Variants in EPHA3 observed in about 807,000 individuals in gnomAD.
EPHA3 encodes EPH receptor A3.
In EPHA3, 42 loss-of-function variants were observed where a neutral mutation model predicts 107.1. That is an observed-to-expected ratio of 0.39 (90% CI 0.31 to 0.51). EPHA3 has a LOEUF of 0.51. EPHA3 is among the 20% of genes least tolerant of loss of function. The pLI is 0.78. For synonymous variants in EPHA3, 461 were observed against 424.8 expected, an observed-to-expected ratio of 1.09 and a Z score of -1.05; for missense variants, 1,183 against 1,211.2, an observed-to-expected ratio of 0.98 and a Z score of 0.35.
chr3:89,380,795 G>A, intron 5 of EPHA3, among the ~76,000 whole-genome samples: 1 of 138,690 alleles, frequency 7.2e-6, no homozygotes, highest in East Asian at 2.1e-4. Context: ...TTTTAATGAA[G>A]TTTTGCTCTG....
intron 2 of EPHA3, among the ~76,000 whole-genome samples, chr3:89,148,555 T>G (rs1030656788): frequency 6.6e-6 from 1 of 152,050 alleles, no homozygotes; most frequent in Non-Finnish European, 1.5e-5. Context: ...CTCTAGGTTT[T>G]TTCTTCTTAA....
intron 15 of EPHA3, among the ~76,000 whole-genome samples, chr3:89,458,218 A>G (rs1710139032): frequency 6.6e-6 from 1 of 152,208 alleles, no homozygotes; most frequent in Admixed American, 6.5e-5. Context: ...AATACGAAAC[A>G]TTCACTAATA....
intron 3 of EPHA3, among the ~76,000 whole-genome samples, chr3:89,223,307 C>T (rs1474679112): frequency 6.6e-6 from 1 of 152,160 alleles, no homozygotes; most frequent in Non-Finnish European, 1.5e-5. Context: ...AAAGGAAATG[C>T]TGACTCCATC....
At chr3:89,166,914 G>A (rs1361013177) in intron 2 of EPHA3, among the ~76,000 whole-genome samples, 1 of 152,112 alleles carries the variant, frequency 6.6e-6, no homozygotes, top group African/African-American at 2.4e-5. Context: ...TATTTAAGAA[G>A]GGGTTGAGTG....
chr3:89,415,316 T>A (rs1027121531), intron 10 of EPHA3, among the ~76,000 whole-genome samples: 1 of 150,814 alleles, frequency 6.6e-6, no homozygotes, highest in Non-Finnish European at 1.5e-5. Flanking sequence ...TACATTTACC[T>A]ACTTCCTACA....
At chr3:89,191,753 A>G (rs1045494933) in intron 2 of EPHA3, among the ~76,000 whole-genome samples, 7 of 152,204 alleles carry the variant, frequency 4.6e-5, no homozygotes, top group African/African-American at 1.7e-4. Context: ...TCATAGACTC[A>G]CCTGGCAAAC....
At chr3:89,326,682 A>G in intron 3 of EPHA3, among the ~76,000 whole-genome samples, 1 of 150,324 alleles carries the variant, frequency 6.7e-6, no homozygotes, top group East Asian at 1.9e-4. Context: ...GAGCCACTGC[A>G]CCTGGCCCTT....
At chr3:89,479,214 C>T (rs1710577655) in intron 16 of EPHA3, among the ~76,000 whole-genome samples, 183 bp from the exon 17 acceptor site, 1 of 152,202 alleles carries the variant, frequency 6.6e-6, no homozygotes, top group Non-Finnish European at 1.5e-5. Context: ...CAACCCACTA[C>T]ACCATCTATA....
At chr3:89,442,518 T>A (rs1709804289) in intron 13 of EPHA3, among the ~76,000 whole-genome samples, 1 of 152,166 alleles carries the variant, frequency 6.6e-6, no homozygotes, top group South Asian at 2.1e-4. Flanking sequence ...GAGATGCTAA[T>A]GTAATCTAGA....
chr3:89,155,706 A>G (rs1704788795), intron 2 of EPHA3, among the ~76,000 whole-genome samples: 1 of 152,082 alleles, frequency 6.6e-6, no homozygotes, highest in Admixed American at 6.6e-5. Flanking sequence ...ATGTTAACTT[A>G]AAACTTAAAA....
intron 3 of EPHA3, among the ~76,000 whole-genome samples, chr3:89,229,470 A>G (rs1290841467): frequency 2.6e-5 from 4 of 151,768 alleles, no homozygotes; most frequent in Non-Finnish European, 5.9e-5. Context: ...TAAATGGGAA[A>G]AAAGCCTAGC....
At chr3:89,388,067 A>G (rs1350520834) in intron 5 of EPHA3, among the ~76,000 whole-genome samples, 3 of 152,210 alleles carry the variant, frequency 2.0e-5, no homozygotes, top group Non-Finnish European at 2.9e-5. Flanking sequence ...TTCTATTGAG[A>G]AAATTACTTT....
intron 16 of EPHA3, among the ~76,000 whole-genome samples, chr3:89,478,531 C>T (rs1710563139): frequency 6.6e-6 from 1 of 152,130 alleles, no homozygotes; most frequent in Non-Finnish European, 1.5e-5. Context: ...AGCTGTACAG[C>T]TGGTCTCACC....
intron 5 of EPHA3, among the ~76,000 whole-genome samples, chr3:89,347,826 A>T (rs1241470542): frequency 2.0e-5 from 3 of 150,780 alleles, no homozygotes; most frequent in Non-Finnish European, 3.0e-5. Context: ...TAGCATGAAG[A>T]GTTGTTGAAT....
At chr3:89,372,766 A>G (rs1708333108) in intron 5 of EPHA3, among the ~76,000 whole-genome samples, 1 of 151,798 alleles carries the variant, frequency 6.6e-6, no homozygotes, top group Non-Finnish European at 1.5e-5. Flanking sequence ...GATGAATGAG[A>G]CAGTTACCTT....
chr3:89,414,748 G>A (rs1011932655), intron 10 of EPHA3, among the ~76,000 whole-genome samples: 1 of 151,548 alleles, frequency 6.6e-6, no homozygotes, highest in Non-Finnish European at 1.5e-5. Flanking sequence ...TCTTTATATA[G>A]TTATTATTGA....
In EPHA3 at chr3:89,395,870, G is replaced by A. The variant is rs925530491; in HGVS notation, c.1340G>A (p.Arg447Gln). ...CCTGTCCTGACGATTAAGAAAGATCGGACCTCCAGAAATAGCATCTCTTTG... is the reference window on the plus strand; with the variant it reads ...CCTGTCCTGACGATTAAGAAAGATCAGACCTCCAGAAATAGCATCTCTTTG... ...PSPVLTIKKD[R>Q]TSRNSISLSW... is the part of the protein sequence containing the mutation. The change falls in exon 6 of 17, where the codon CGG becomes CAG. Residue 447 changes from arginine (R) to glutamine (Q), a missense_variant. Coordinates refer to ENST00000336596, the MANE Select transcript of EPHA3 (RefSeq NM_005233.6). 19 of 1,613,754 alleles carry A rather than the reference G, an allele frequency of 1.2e-5. No homozygotes were observed. Among genetic ancestry groups the A allele is most frequent in the East Asian group, 2.2e-5 (1 of 44,876 alleles).
intron 12 of EPHA3, 64 bp from the exon 13 acceptor site, chr3:89,431,086 C>T: frequency 2.7e-6 from 4 of 1,492,554 alleles, no homozygotes; most frequent in South Asian, 1.2e-5. Context: ...AGATTTTAAC[C>T]AATAAAGATA....
At chr3:89,124,859 T>C (rs573709676) in intron 1 of EPHA3, among the ~76,000 whole-genome samples, 1 of 152,112 alleles carries the variant, frequency 6.6e-6, no homozygotes, top group Non-Finnish European at 1.5e-5. Context: ...GTAAATGCAA[T>C]AAATTTAATT....
Sources: allele counts gnomAD v4.1 joint callset (sites outside exome capture counted in the v4.1 genomes callset), GRCh38; gene constraint gnomAD v4.1.1; transcripts MANE v1.5; gene names NCBI Gene and HGNC (gene_info 2026-07-23, HGNC 2026-07-21).